Variants in GLG1 observed in about 807,000 individuals in gnomAD.
GLG1 encodes golgi glycoprotein 1.
GLG1 carries 38 observed loss-of-function variants against 160.5 expected under a neutral mutation model. The ratio of observed to expected loss-of-function variants is 0.24; its 90% CI spans 0.18 to 0.31. GLG1 has a LOEUF of 0.31. GLG1 is among the 10% of genes least tolerant of loss of function. The pLI is 1.00. For synonymous variants in GLG1, 644 were observed against 543.4 expected, an observed-to-expected ratio of 1.19 and a Z score of -2.57; for missense variants, 1,373 against 1,505.2, an observed-to-expected ratio of 0.91 and a Z score of 1.45.
intron 7 of GLG1, 100 bp downstream of exon 7, chr16:74,492,857 G>T: frequency 3.4e-6 from 2 of 583,414 alleles, no homozygotes; most frequent in Non-Finnish European, 5.2e-6. Context: ...ACTCAAAGAA[G>T]CAAATATGGG....
intron 1 of GLG1, among the ~76,000 whole-genome samples, chr16:74,578,351 T>C (rs1232061928): frequency 3.3e-5 from 5 of 152,216 alleles, no homozygotes; most frequent in Admixed American, 2.0e-4. Context: ...ACAGTCCATT[T>C]TATCCTCTAG....
intron 1 of GLG1, among the ~76,000 whole-genome samples, chr16:74,587,997 G>A (rs1958090604): frequency 6.6e-6 from 1 of 152,076 alleles, no homozygotes; most frequent in South Asian, 2.1e-4. Flanking sequence ...TTCACTGGAT[G>A]GTATTAATAG....
At chr16:74,489,754 T>C (rs572050721) in intron 8 of GLG1, among the ~76,000 whole-genome samples, 23 of 152,280 alleles carry the variant, frequency 1.5e-4, no homozygotes, top group Admixed American at 3.3e-4. Flanking sequence ...ATGGGATGCA[T>C]AGACACGCAT....
intron 8 of GLG1, among the ~76,000 whole-genome samples, chr16:74,489,704 T>C (rs1167228119): frequency 2.6e-5 from 4 of 152,062 alleles, no homozygotes; most frequent in African/African-American, 7.2e-5. Flanking sequence ...CCTGCCCAGG[T>C]TGGTATTTTA....
At chr16:74,570,453 G>C (rs538128532) in intron 1 of GLG1, among the ~76,000 whole-genome samples, 1 of 152,090 alleles carries the variant, frequency 6.6e-6, no homozygotes, top group Non-Finnish European at 1.5e-5. Context: ...CCAAAAGACA[G>C]TGGAATAAAA....
chr16:74,595,038 A>C (rs1286121630), intron 1 of GLG1, among the ~76,000 whole-genome samples: 1 of 151,606 alleles, frequency 6.6e-6, no homozygotes, highest in East Asian at 1.9e-4. Flanking sequence ...AATACAAAAA[A>C]TTAGCTCGGC....
chr16:74,453,086 C>T lies in GLG1; in HGVS notation c.*81G>A, dbSNP rs188963876. 127 of 1,549,484 alleles carry T rather than the reference C, an allele frequency of 8.2e-5. 1 individual carries two copies. The highest frequency in any genetic ancestry group is 5.9e-4 in the Admixed American group (31 of 52,722). ...GGGTTGGTGTCACTTCTGAGAAGAG[C>T]GAGGTGAGTGGGGATGCTATACAAG... On this transcript the variant is annotated 3_prime_UTR_variant, in exon 26 of 26. Transcript: ENST00000422840.
chr16:74,480,384 C>G lies in GLG1; in HGVS notation c.1684G>C (p.Val562Leu). 6.2e-7 allele frequency: 1 copy of G among 1,611,858 alleles called. No individual in the cohort carries two copies. The highest frequency in any genetic ancestry group is 1.1e-5 in the South Asian group (1 of 90,950). Reference sequence around the variant, plus strand: ...TCTCCCTGGCACTTGCGGTACAGGACAGGGTCCAGCCTATAAGGTTAAGAG... The same window carrying G: ...TCTCCCTGGCACTTGCGGTACAGGAGAGGGTCCAGCCTATAAGGTTAAGAG... ...FISRDWKLDP[V>L]LYRKCQGDAS... Residue 562 changes from valine (V) to leucine (L), a missense_variant, in exon 11 of 26, where the codon GTC (valine) becomes CTC (leucine). Val to Leu is a conservative substitution (Grantham distance 32). Transcript: ENST00000422840.
chr16:74,472,006 G>A (rs2015224250), intron 14 of GLG1, among the ~76,000 whole-genome samples: 1 of 152,116 alleles, frequency 6.6e-6, no homozygotes, highest in African/African-American at 2.4e-5. Context: ...CTGAGCTCAA[G>A]TGATCCTCCC....
intron 1 of GLG1, among the ~76,000 whole-genome samples, chr16:74,579,028 T>C (rs1448849160): frequency 6.6e-6 from 1 of 152,226 alleles, no homozygotes; most frequent in African/African-American, 2.4e-5. Context: ...GGTTCAGGTT[T>C]GCCCTAGGAA....
Position 74,477,522 on chromosome 16 carries a change from C to T in GLG1, c.1839G>A (p.Glu613=), listed in dbSNP as rs756462015. 3.1e-6 allele frequency: 5 copies of T among 1,613,052 alleles called. No homozygotes were observed. In the East Asian group the frequency reaches 8.9e-5, roughly 29 times the overall value. The part of the protein sequence containing the change: ...TEEQGRRLSR[E]CRAEVQRILH... Reference sequence around the variant, plus strand: ...GGATCCTTTGGACTTCAGCTCGGCACTCCCGTGAGAGCTGCATGAGAAAAA... The same window carrying T: ...GGATCCTTTGGACTTCAGCTCGGCATTCCCGTGAGAGCTGCATGAGAAAAA... Residue 613 remains glutamate (E), a synonymous_variant, in exon 12 of 26, where the codon GAG becomes GAA. Transcript: ENST00000422840.
chr16:74,581,912 AAAAACAAAAC>A (rs1200012500), intron 1 of GLG1, among the ~76,000 whole-genome samples: 4 of 152,216 alleles, frequency 2.6e-5, no homozygotes, highest in East Asian at 1.9e-4. Context: ...TCCGTCTCAA[AAAAACAAAAC>A]AAAACAAAAC....
intron 1 of GLG1, among the ~76,000 whole-genome samples, chr16:74,591,682 G>A (rs192922007): frequency 5.1e-4 from 78 of 152,182 alleles, no homozygotes; most frequent in African/African-American, 1.8e-3. Flanking sequence ...CTTAACGTAT[G>A]GCTAAGTTTA....
At chr16:74,546,904 T>C (rs1382324528) in intron 1 of GLG1, among the ~76,000 whole-genome samples, 1 of 149,298 alleles carries the variant, frequency 6.7e-6, no homozygotes, top group Non-Finnish European at 1.5e-5. Context: ...GGACCCACCA[T>C]TTTAATGAAG....
At position 74,450,093 on chromosome 16, in the gene GLG1, G is replaced by C. The variant is rs2014228543; in HGVS notation, c.*3074C>G. The C allele has an allele frequency of 6.6e-6, 1 of 152,228 alleles. No homozygotes were observed. Among genetic ancestry groups the C allele is most frequent in the Non-Finnish European group, 1.5e-5 (1 of 68,054 alleles). The allele number at this position is 152,228 out of a possible 1,614,324, so 9.4% of individuals were successfully genotyped here. A position where few individuals can be genotyped will look rare whatever the true frequency, so the allele number is the denominator to read the frequency against. On this transcript the variant is annotated 3_prime_UTR_variant, in exon 26 of 26. Transcript: ENST00000422840. ...GCATAAGTCACAGGGACACTGGCAT[G>C]AACTGGTAAGTCCAGATGACAGTGA...
At chr16:74,598,376 C>T (rs1004419284) in intron 1 of GLG1, among the ~76,000 whole-genome samples, 1 of 151,648 alleles carries the variant, frequency 6.6e-6, no homozygotes, top group Non-Finnish European at 1.5e-5. Flanking sequence ...AAAAAATTAG[C>T]CGGGCGTGGT....
intron 2 of GLG1, among the ~76,000 whole-genome samples, chr16:74,520,945 T>C (rs560228327): frequency 5.3e-5 from 8 of 152,172 alleles, no homozygotes; most frequent in African/African-American, 1.9e-4. Flanking sequence ...TTACATTCTA[T>C]GAAAGAGAGA....
intron 6 of GLG1, among the ~76,000 whole-genome samples, chr16:74,493,692 A>G (rs2016083356): frequency 1.3e-5 from 2 of 152,262 alleles, no homozygotes; most frequent in Non-Finnish European, 1.5e-5. Flanking sequence ...TTCAAAAGCC[A>G]TCAACTATTC....
At chr16:74,581,745 T>C (rs971630368) in intron 1 of GLG1, among the ~76,000 whole-genome samples, 2 of 151,932 alleles carry the variant, frequency 1.3e-5, no homozygotes, top group African/African-American at 4.8e-5. Context: ...ACCCCGTCTG[T>C]ACTAAAAATA....
Sources: allele counts gnomAD v4.1 joint callset (sites outside exome capture counted in the v4.1 genomes callset), GRCh38; gene constraint gnomAD v4.1.1; transcripts MANE v1.5; gene names NCBI Gene and HGNC (gene_info 2026-07-23, HGNC 2026-07-21).